USP4: variants seen among roughly 807,000 people sequenced by gnomAD.
The protein encoded by USP4 is ubiquitin carboxyl-terminal hydrolase 4.
Under a neutral mutation model 118.2 loss-of-function variants are expected in USP4, and 72 were observed. The ratio of observed to expected loss-of-function variants is 0.61; its 90% CI spans 0.50 to 0.74. The LOEUF (loss-of-function observed/expected upper bound fraction) is 0.74. Ranked by LOEUF, USP4 falls within the 30% of genes least tolerant of loss-of-function variation. The probability of loss-of-function intolerance (pLI) is 0.00; values close to 1 mark genes in which losing one functional copy is unlikely to be tolerated. For missense variants in USP4, 1,037 were observed against 1,185.7 expected, an observed-to-expected ratio of 0.87 and a Z score of 1.84; for synonymous variants, 415 against 440.4, an observed-to-expected ratio of 0.94 and a Z score of 0.72.
At chr3:49,322,314 C>T (rs953710974) in intron 6 of USP4, among the ~76,000 whole-genome samples, 1 of 152,310 alleles carries the variant, frequency 6.6e-6, no homozygotes, top group African/African-American at 2.4e-5. Context: ...TGTGTGCTTA[C>T]ACTTACTGCA....
intron 2 of USP4, among the ~76,000 whole-genome samples, chr3:49,329,224 C>T (rs1354366461): frequency 6.6e-6 from 1 of 152,020 alleles, no homozygotes; most frequent in Non-Finnish European, 1.5e-5. Flanking sequence ...GCAATTCAGT[C>T]ACATCTTCAG....
At chr3:49,300,779 G>T in intron 10 of USP4, 88 bp from the exon 11 acceptor site, 1 of 1,200,682 alleles carries the variant, frequency 8.3e-7, no homozygotes, top group Non-Finnish European at 1.2e-6. Context: ...ACCTGGAGAT[G>T]AATCAGGTGG....
intron 19 of USP4, among the ~76,000 whole-genome samples, chr3:49,283,266 G>T (rs910923522): frequency 6.6e-6 from 1 of 151,850 alleles, no homozygotes; most frequent in East Asian, 1.9e-4. Context: ...TGCCCACCTT[G>T]GCCTCCCAAA....
At chr3:49,317,075 G>T in intron 6 of USP4, 2 of 1,248,484 alleles carry the variant, frequency 1.6e-6, no homozygotes, top group East Asian at 2.4e-5. Context: ...CCCTGCCCAT[G>T]GTCTGGTCAG....
chr3:49,288,119 T>C (rs2047118604), intron 15 of USP4, among the ~76,000 whole-genome samples: 1 of 152,216 alleles, frequency 6.6e-6, no homozygotes, highest in Non-Finnish European at 1.5e-5. Flanking sequence ...GAGGTTCCTT[T>C]CCGAACTTGC....
intron 2 of USP4, among the ~76,000 whole-genome samples, chr3:49,333,052 CA>C (rs899761586): frequency 4.3e-4 from 45 of 104,382 alleles, no homozygotes; most frequent in Admixed American, 6.3e-4. Flanking sequence ...CACCTTGTCT[CA>C]AAAAAAAAAA....
At chr3:49,312,464 G>C (rs552777565) in intron 6 of USP4, 4 of 452,462 alleles carry the variant, frequency 8.8e-6, no homozygotes, top group South Asian at 6.2e-5. Context: ...GACAGAGTGA[G>C]ACTCCATCTC....
chr3:49,282,283 T>C (rs1305435563), intron 19 of USP4, among the ~76,000 whole-genome samples: 2 of 152,158 alleles, frequency 1.3e-5, no homozygotes, highest in Non-Finnish European at 2.9e-5. Context: ...TAAAGAATTT[T>C]TTTTTTTTTG....
chr3:49,324,713 G>T lies in USP4; in HGVS notation c.684C>A (p.Thr228=), dbSNP rs1575619091. 1 of 1,614,052 alleles carries T rather than the reference G, an allele frequency of 6.2e-7. No homozygotes were observed. The highest frequency in any genetic ancestry group is 1.3e-5 in the African/African-American group (1 of 74,932). ...QNEDGTWPRQ[T]LQSKSSTAPS... is the part of the protein sequence containing the mutation. ...AAAAATTCACTTACTTTGACTGCAA[G>T]GTCTGCCTGGGCCATGTGCCATCTT... The change falls in exon 6 of 22, where the codon ACC becomes ACA. Residue 228 remains threonine (T), a synonymous_variant. Transcript: ENST00000265560.
intron 9 of USP4, among the ~76,000 whole-genome samples, chr3:49,304,755 TTTGTTG>T (rs770247467): frequency 1.3e-5 from 2 of 150,776 alleles, no homozygotes; most frequent in African/African-American, 2.4e-5. Context: ...TCCAGCTAAT[TTTGTTG>T]TTGTTGTTGT....
intron 9 of USP4, 81 bp from the exon 10 acceptor site, chr3:49,302,623 CT>C: frequency 4.9e-6 from 7 of 1,418,400 alleles, no homozygotes; most frequent in Non-Finnish European, 6.7e-6. Context: ...TCAAAAATAG[CT>C]CTGAGGAGTT....
intron 6 of USP4, chr3:49,317,473 G>A: frequency 2.9e-6 from 2 of 689,050 alleles, no homozygotes; most frequent in Non-Finnish European, 5.1e-6. Flanking sequence ...CATCTCCTGG[G>A]GCCCCCTATT....
At chr3:49,308,323 A>G (rs2047341825) in intron 8 of USP4, among the ~76,000 whole-genome samples, 1 of 151,866 alleles carries the variant, frequency 6.6e-6, no homozygotes, top group East Asian at 1.9e-4. Flanking sequence ...TTTATACTTT[A>G]TTATATATTT....
rs143654438 is a variant in USP4 at position 49,288,379 on chromosome 3, A to G, written c.1973-2054T>C. Reference sequence around the variant, plus strand: ...GCCAATGCAGTCAGAATTAAATGCCATGGACTGTATTTCACAGGATGAGAA... The same window carrying G: ...GCCAATGCAGTCAGAATTAAATGCCGTGGACTGTATTTCACAGGATGAGAA... On this transcript the variant is annotated intron_variant, in intron 15 of 21. Coordinates refer to ENST00000265560, the MANE Select transcript of USP4 (RefSeq NM_003363.4). Among the ~76,000 whole-genome samples the G allele has an allele frequency of 5.0e-3, 766 of 152,300 alleles. 6 individuals carry two copies. Among genetic ancestry groups the G allele is most frequent in the African/African-American group, 0.018 (734 of 41,576 alleles).
At chr3:49,312,407 T>A (rs2047392353) in intron 6 of USP4, 1 of 441,482 alleles carries the variant, frequency 2.3e-6, no homozygotes, top group Non-Finnish European at 4.6e-6. Flanking sequence ...AAGCATCACT[T>A]GAACCCGGGA....
chr3:49,279,384 A>C (rs551756643), intron 20 of USP4, among the ~76,000 whole-genome samples: 2 of 152,256 alleles, frequency 1.3e-5, no homozygotes, highest in Admixed American at 6.5e-5. Flanking sequence ...AGTTAGAGGA[A>C]CATTGGGTGT....
intron 20 of USP4, among the ~76,000 whole-genome samples, chr3:49,279,969 A>C (rs1160910576): frequency 6.6e-6 from 1 of 152,178 alleles, no homozygotes; most frequent in African/African-American, 2.4e-5. Flanking sequence ...TAGCAAATAA[A>C]AATGAACACA....
Position 49,277,301 on chromosome 3 carries a change from T to C in USP4, c.*992A>G. ...AGACAAAAAATCCCGGACCCATACG[T>C]CCGGTTCCTTAAGGCCTTGCCCACA... On this transcript the variant is annotated 3_prime_UTR_variant, in exon 22 of 22. Coordinates refer to ENST00000265560, the MANE Select transcript of USP4 (RefSeq NM_003363.4). The C allele has an allele frequency of 8.2e-7, 1 of 1,222,844 alleles. No individual in the cohort carries two copies. Among genetic ancestry groups the C allele is most frequent in the Non-Finnish European group, 1.1e-6 (1 of 931,346 alleles). 75.7% of individuals were successfully genotyped at this position (1,222,844 alleles called of 1,614,324 possible).
chr3:49,281,480 A>G (rs865786648), intron 19 of USP4, among the ~76,000 whole-genome samples: 1,058 of 95,302 alleles, frequency 0.011, 20 homozygotes, highest in East Asian at 0.016. Context: ...GTATGTGTAT[A>G]TATATATATA....
Sources: allele counts gnomAD v4.1 joint callset (sites outside exome capture counted in the v4.1 genomes callset), GRCh38; gene constraint gnomAD v4.1.1; transcripts MANE v1.5; gene names NCBI Gene and HGNC (gene_info 2026-07-23, HGNC 2026-07-21).